PPARGC1A: variants seen among roughly 807,000 people sequenced by gnomAD.
PPARGC1A encodes peroxisome proliferator-activated receptor gamma coactivator 1-alpha.
In PPARGC1A, 25 loss-of-function variants were observed where a neutral mutation model predicts 88.7. The observed-to-expected ratio is 0.28, with a 90% CI of 0.21 to 0.39. The LOEUF is 0.39. PPARGC1A is among the 10% of genes least tolerant of loss of function. The probability of loss-of-function intolerance (pLI) is 1.00; values close to 1 mark genes in which losing one functional copy is unlikely to be tolerated. For synonymous variants in PPARGC1A, 363 were observed against 355.6 expected (o/e 1.02, Z -0.24); for missense variants, 880 against 968.7 (o/e 0.91, Z 1.22).
chr4:23,955,820 T>C, the PPARGC1A span, among the ~76,000 whole-genome samples: 2 of 152,110 alleles, frequency 1.3e-5, no homozygotes, highest in African/African-American at 4.8e-5. Context: ...TTTAAGTAAC[T>C]AATTACATAT....
the PPARGC1A span, among the ~76,000 whole-genome samples, chr4:24,437,217 A>G: frequency 1.3e-5 from 2 of 152,222 alleles, no homozygotes; most frequent in Admixed American, 6.5e-5. Context: ...AGCCTCAGGG[A>G]CCACCTCTAG....
At chr4:24,315,953 A>G in the PPARGC1A span, among the ~76,000 whole-genome samples, 18 of 152,212 alleles carry the variant, frequency 1.2e-4, no homozygotes, top group Admixed American at 1.2e-3. Context: ...GTTCCTATCC[A>G]AGAGTTTTGG....
At chr4:24,208,625 C>A in the PPARGC1A span, among the ~76,000 whole-genome samples, 3 of 148,610 alleles carry the variant, frequency 2.0e-5, no homozygotes, top group African/African-American at 7.4e-5. Context: ...ACAAATCAGG[C>A]AAGTCTGGTC....
Position 23,814,364 on chromosome 4 carries a change from G to A in PPARGC1A, c.1119C>T (p.Thr373=). 1 of 1,613,944 alleles carries A rather than the reference G, an allele frequency of 6.2e-7. No individual in the cohort carries two copies. The highest frequency in any genetic ancestry group is 8.5e-7 in the Non-Finnish European group (1 of 1,179,984). ...VLTGGHEERK[T]KRPSLRLFGD... ...CAAACAGCCGCAGACTGGGCCGCTTGGTCTTCCTTTCCTCGTGTCCACCAG... is the reference window on the plus strand; with the variant it reads ...CAAACAGCCGCAGACTGGGCCGCTTAGTCTTCCTTTCCTCGTGTCCACCAG... Residue 373 remains threonine (T), a synonymous_variant, in exon 8 of 13, where the codon ACC becomes ACT. Coordinates refer to ENST00000264867, the MANE Select transcript of PPARGC1A (RefSeq NM_013261.5).
the PPARGC1A span, among the ~76,000 whole-genome samples, chr4:24,069,702 C>A: frequency 6.6e-6 from 1 of 152,144 alleles, no homozygotes; most frequent in Non-Finnish European, 1.5e-5. Flanking sequence ...TAGGAGTCCA[C>A]ATGTAGAATA....
chr4:23,871,185 G>A (rs958968416), intron 2 of PPARGC1A, among the ~76,000 whole-genome samples: 5 of 150,084 alleles, frequency 3.3e-5, no homozygotes, highest in African/African-American at 1.3e-4. Context: ...TGAACAGAAT[G>A]TCTTTGTCAA....
the PPARGC1A span, among the ~76,000 whole-genome samples, chr4:24,207,813 T>A: frequency 4.0e-3 from 607 of 152,364 alleles, 4 homozygotes; most frequent in African/African-American, 0.014. Flanking sequence ...ATAAAAAACC[T>A]GAAACCATAT....
chr4:24,377,756 T>C, the PPARGC1A span, among the ~76,000 whole-genome samples: 1 of 152,138 alleles, frequency 6.6e-6, no homozygotes, highest in Admixed American at 6.5e-5. Context: ...CCAGAGAAAC[T>C]TTAAAAGCAA....
chr4:24,412,668 G>C, the PPARGC1A span, among the ~76,000 whole-genome samples: 1 of 152,158 alleles, frequency 6.6e-6, no homozygotes, highest in Non-Finnish European at 1.5e-5. Flanking sequence ...TTTTAGTGGA[G>C]ACGGGGTTTC....
At chr4:23,972,453 A>G in the PPARGC1A span, among the ~76,000 whole-genome samples, 1 of 152,208 alleles carries the variant, frequency 6.6e-6, no homozygotes, top group Non-Finnish European at 1.5e-5. Context: ...CAGGTAACTG[A>G]AATTTTTATT....
chr4:24,256,272 T>C, the PPARGC1A span, among the ~76,000 whole-genome samples: 2 of 152,306 alleles, frequency 1.3e-5, no homozygotes, highest in South Asian at 2.1e-4. Flanking sequence ...AAGCACTCTG[T>C]TGCCAAGGTT....
the PPARGC1A span, among the ~76,000 whole-genome samples, chr4:24,070,854 C>T: frequency 1.3e-5 from 2 of 152,154 alleles, no homozygotes; most frequent in African/African-American, 4.8e-5. Flanking sequence ...TTTATTGGCC[C>T]ACAGTCATGT....
chr4:23,819,353 A>T (rs1044143026), intron 7 of PPARGC1A, among the ~76,000 whole-genome samples: 5 of 152,252 alleles, frequency 3.3e-5, no homozygotes, highest in African/African-American at 1.2e-4. Flanking sequence ...CCTCCAGTAC[A>T]TTTTAAGTAT....
chr4:24,465,792 A>C, the PPARGC1A span, among the ~76,000 whole-genome samples: 1 of 152,206 alleles, frequency 6.6e-6, no homozygotes, highest in Non-Finnish European at 1.5e-5. Context: ...GATGGACATA[A>C]ATGTTAGGCG....
the PPARGC1A span, among the ~76,000 whole-genome samples, chr4:23,961,570 G>C: frequency 0.97 from 147,955 of 152,154 alleles, 72,061 homozygotes; most frequent in East Asian, 1. Flanking sequence ...GGCTGACTGA[G>C]AAGGACTCGC....
At chr4:24,066,929 T>C in the PPARGC1A span, among the ~76,000 whole-genome samples, 2 of 150,302 alleles carry the variant, frequency 1.3e-5, no homozygotes, top group Admixed American at 6.7e-5. Context: ...TTTAATTTGC[T>C]TTAGGCGGTG....
the PPARGC1A span, among the ~76,000 whole-genome samples, chr4:24,397,615 G>A: frequency 6.6e-6 from 1 of 152,134 alleles, no homozygotes; most frequent in African/African-American, 2.4e-5. Context: ...TGGCTGGAAC[G>A]GATGACTAGC....
the PPARGC1A span, among the ~76,000 whole-genome samples, chr4:24,059,465 A>G: frequency 6.6e-6 from 1 of 152,204 alleles, no homozygotes; most frequent in Non-Finnish European, 1.5e-5. Flanking sequence ...TAAAGAAGTG[A>G]GCGCTTTTCA....
chr4:24,353,706 T>A, the PPARGC1A span, among the ~76,000 whole-genome samples: 1 of 152,168 alleles, frequency 6.6e-6, no homozygotes, highest in Admixed American at 6.5e-5. Context: ...ACCATTAATG[T>A]TCATTAATTT....
Sources: gnomAD v4.1 joint callset for allele counts (sites outside exome capture counted in the v4.1 genomes callset) on GRCh38, gnomAD v4.1.1 for gene constraint, MANE v1.5 for transcripts, NCBI Gene and HGNC (gene_info 2026-07-23, HGNC 2026-07-21) for gene names.